The following ZNF320 variants were observed in gnomAD, a reference collection of about 807,000 sequenced individuals.
The protein encoded by ZNF320 is zinc finger gene 320.
A neutral mutation model predicts 6.8 loss-of-function variants in ZNF320; 2 were observed. The observed-to-expected ratio is 0.29, with a 90% CI of 0.12 to 0.93. ZNF320 has a LOEUF of 0.93. ZNF320 is among the 40% of genes least tolerant of loss of function. ZNF320 has a pLI of 0.55. For synonymous variants in ZNF320, 208 were observed against 203.2 expected (o/e 1.02, Z -0.20); for missense variants, 472 against 611.0 (o/e 0.77, Z 2.40).
chr19:52,896,062 A>C (rs910027306), intron 1 of ZNF320, among the ~76,000 whole-genome samples: 2 of 152,300 alleles, frequency 1.3e-5, no homozygotes, highest in Middle Eastern at 3.4e-3. Flanking sequence ...ATGTGAGCTC[A>C]TAAGATTCTA....
intron 5 of ZNF320, among the ~76,000 whole-genome samples, chr19:52,887,689 C>T (rs2064139137): frequency 6.6e-6 from 1 of 152,136 alleles, no homozygotes; most frequent in Non-Finnish European, 1.5e-5. Flanking sequence ...TGGGTTCAAG[C>T]AATTCTCTCT....
intron 4 of ZNF320, among the ~76,000 whole-genome samples, chr19:52,889,598 CCA>C (rs1159475376): frequency 6.6e-6 from 1 of 152,144 alleles, no homozygotes; most frequent in African/African-American, 2.4e-5. Flanking sequence ...CACAGGAACC[CCA>C]CAGTCTCCAT....
At chr19:52,866,647 G>A (rs1185636894) in intron 5 of ZNF320, among the ~76,000 whole-genome samples, 1 of 152,122 alleles carries the variant, frequency 6.6e-6, no homozygotes, top group Non-Finnish European at 1.5e-5. Context: ...AAGGAGGGAG[G>A]ATCACTTGAG....
chr19:52,869,782 C>A (rs1243739887), intron 5 of ZNF320, among the ~76,000 whole-genome samples: 2 of 152,020 alleles, frequency 1.3e-5, no homozygotes, highest in Admixed American at 6.6e-5. Flanking sequence ...ATGGTGCGAT[C>A]TCGGCACACT....
chr19:52,896,690 C>G (rs1490834280), intron 1 of ZNF320, among the ~76,000 whole-genome samples: 1 of 152,156 alleles, frequency 6.6e-6, no homozygotes, highest in Non-Finnish European at 1.5e-5. Flanking sequence ...GCCTGGGCAA[C>G]AGAGTGAGAC....
chr19:52,888,542 G>T (rs867204953), intron 4 of ZNF320: 1 of 165,356 alleles, frequency 6.0e-6, no homozygotes, highest in Non-Finnish European at 1.2e-5. Context: ...GAGGTGGGAG[G>T]ACGGCTTGAC....
Position 52,880,809 on chromosome 19 carries a change from T to C in ZNF320, c.1317A>G (p.Lys439=). The C allele has an allele frequency of 6.2e-7, 1 of 1,613,926 alleles. No homozygotes were observed. Among genetic ancestry groups the C allele is most frequent in the Non-Finnish European group, 8.5e-7 (1 of 1,179,840 alleles). ...TACCACAATCACCACACTTGTGAGGTTTCTCTCCTGTATGAATCCTCCTAT... is the reference window on the plus strand; with the variant it reads ...TACCACAATCACCACACTTGTGAGGCTTCTCTCCTGTATGAATCCTCCTAT... The part of the protein sequence containing the change: ...ERHRRIHTGE[K]PHKCGDCGKA... The change falls in exon 6 of 6, where the codon AAA becomes AAG. Residue 439 remains lysine (K), a synonymous_variant. Transcript: ENST00000682928.
intron 5 of ZNF320, among the ~76,000 whole-genome samples, chr19:52,886,513 T>A (rs2064083596): frequency 6.6e-6 from 1 of 152,188 alleles, no homozygotes; most frequent in African/African-American, 2.4e-5. Context: ...CCTCTCCCCA[T>A]ATATCAATAC....
upstream of ZNF320, among the ~76,000 whole-genome samples, chr19:52,898,823 A>G (rs2147914308): frequency 6.6e-6 from 1 of 152,300 alleles, no homozygotes; most frequent in East Asian, 1.9e-4. Flanking sequence ...TATGAATAAC[A>G]TTGGGTTCTA....
chr19:52,901,780 G>T (rs1045970486), upstream of ZNF320, among the ~76,000 whole-genome samples: 1 of 152,226 alleles, frequency 6.6e-6, no homozygotes, highest in African/African-American at 2.4e-5. Context: ...TCTGCTTCTT[G>T]TGCTAACAGG....
the ZNF320 span, among the ~76,000 whole-genome samples, chr19:52,903,752 TCAC>T: frequency 1.3e-5 from 2 of 151,640 alleles, no homozygotes; most frequent in East Asian, 1.9e-4. Flanking sequence ...CCACACATAC[TCAC>T]CACAAGAATG....
At position 52,880,966 on chromosome 19, in the gene ZNF320, C is replaced by A; in HGVS notation, c.1160G>T (p.Cys387Phe). 1.2e-6 allele frequency: 2 copies of A among 1,613,594 alleles called. No homozygotes were observed. The highest frequency in any genetic ancestry group is 2.2e-5 in the East Asian group (1 of 44,856). The change falls in exon 6 of 6, where the codon TGT (cysteine) becomes TTT (phenylalanine). Residue 387 changes from cysteine (C) to phenylalanine (F), a missense_variant. By Grantham distance (205) the Cys-to-Phe change is radical. Transcript: ENST00000682928. ...RVHTGERPYT[C>F]NECGKVFSTK... ...ACTAAAAACCTTGCCACATTCATTACATGTGTAAGGTCTCTCTCCAGTATG... is the reference window on the plus strand; with the variant it reads ...ACTAAAAACCTTGCCACATTCATTAAATGTGTAAGGTCTCTCTCCAGTATG...
At chr19:52,896,338 G>A (rs1159081414) in intron 1 of ZNF320, among the ~76,000 whole-genome samples, 1 of 152,158 alleles carries the variant, frequency 6.6e-6, no homozygotes, top group East Asian at 1.9e-4. Context: ...TGATCTGCCC[G>A]CCTTGGCCTC....
upstream of ZNF320, among the ~76,000 whole-genome samples, chr19:52,900,875 A>C (rs545013874): frequency 6.6e-6 from 1 of 151,680 alleles, no homozygotes; most frequent in East Asian, 1.9e-4. Flanking sequence ...TAGTATTGAC[A>C]CATCTCACAT....
intron 5 of ZNF320, among the ~76,000 whole-genome samples, chr19:52,868,954 C>T (rs146430390): frequency 3.9e-5 from 6 of 151,990 alleles, no homozygotes; most frequent in African/African-American, 9.7e-5. Flanking sequence ...GAGGGGCTCA[C>T]GGGGAAATTG....
chr19:52,873,498 TACAGATTA>T (rs2063716069), downstream of ZNF320, among the ~76,000 whole-genome samples: 1 of 152,250 alleles, frequency 6.6e-6, no homozygotes, highest in Non-Finnish European at 1.5e-5. Context: ...GGGCTAAGGT[TACAGATTA>T]ACAGCATCTC....
chr19:52,904,304 C>G, the ZNF320 span: 1 of 152,262 alleles, frequency 6.6e-6, no homozygotes, highest in Non-Finnish European at 1.5e-5. Context: ...CAGGGCAGGC[C>G]TAAGCCACCT....
chr19:52,862,436 T>A (rs1249624538), exon 6 of ZNF320: 1 of 418,064 alleles, frequency 2.4e-6, no homozygotes, highest in East Asian at 6.7e-5. Context: ...TTCTCCAGTA[T>A]GAGTTCACTG....
Position 52,867,859 on chromosome 19 carries a change from G to A in ZNF320, c.224-3700C>T, listed in dbSNP as rs188349220. On this transcript the variant is annotated intron_variant, in intron 5 of 5. Transcript: ENST00000673631. ...AGTCCTGACCTCAGGTGATCTGCCC[G>A]TCTCGGCCGCCCAAAGTACTGGGAT... is the stretch of plus-strand genomic sequence containing the variant. Among the ~76,000 whole-genome samples, 817 of 152,124 alleles carry A rather than the reference G, an allele frequency of 5.4e-3. 9 individuals carry two copies. The highest frequency in any genetic ancestry group is 0.017 in the African/African-American group (695 of 41,518).
Sources: gnomAD v4.1 joint callset for allele counts (sites outside exome capture counted in the v4.1 genomes callset) on GRCh38, gnomAD v4.1.1 for gene constraint, MANE v1.5 for transcripts, NCBI Gene and HGNC (gene_info 2026-07-23, HGNC 2026-07-21) for gene names.